The following TAFA1 variants were observed in gnomAD, a reference collection of about 807,000 sequenced individuals.
TAFA1 encodes chemokine-like protein TAFA-1.
Under a neutral mutation model 18.5 loss-of-function variants are expected in TAFA1, and 4 were observed. The observed-to-expected ratio is 0.22, with a 90% confidence interval of 0.11 to 0.49. TAFA1 has a LOEUF of 0.49. Among genes scored for constraint, TAFA1 ranks in the 20% least tolerant of loss-of-function variants. The probability of loss-of-function intolerance (pLI) is 0.98; values close to 1 mark genes in which losing one functional copy is unlikely to be tolerated. For synonymous variants in TAFA1, 56 were observed against 55.2 expected, an observed-to-expected ratio of 1.01 and a Z score of -0.06; for missense variants, 147 against 169.0, an observed-to-expected ratio of 0.87 and a Z score of 0.72.
At chr3:68,475,242 T>C (rs565836819) in intron 3 of TAFA1, among the ~76,000 whole-genome samples, 1 of 152,198 alleles carries the variant, frequency 6.6e-6, no homozygotes, top group African/African-American at 2.4e-5. Flanking sequence ...ATGTGTCATG[T>C]TGGTGTGCTG....
chr3:68,451,348 A>G (rs998519430), intron 3 of TAFA1, among the ~76,000 whole-genome samples: 1 of 152,186 alleles, frequency 6.6e-6, no homozygotes, highest in African/African-American at 2.4e-5. Flanking sequence ...AGAGCAGTTG[A>G]CTGATATCCA....
At chr3:68,392,854 G>C (rs1428135932) in intron 2 of TAFA1, among the ~76,000 whole-genome samples, 1 of 152,116 alleles carries the variant, frequency 6.6e-6, no homozygotes, top group Non-Finnish European at 1.5e-5. Context: ...CACAGCTAAA[G>C]CAGTGTTTAG....
intron 3 of TAFA1, among the ~76,000 whole-genome samples, chr3:68,519,225 C>T (rs2072976936): frequency 6.6e-6 from 1 of 152,120 alleles, no homozygotes; most frequent in African/African-American, 2.4e-5. Context: ...ATTAGTGTCC[C>T]TATAAAAGAG....
intron 2 of TAFA1, among the ~76,000 whole-genome samples, chr3:68,284,864 G>C (rs930609928): frequency 6.6e-6 from 1 of 152,150 alleles, no homozygotes; most frequent in Non-Finnish European, 1.5e-5. Context: ...CTGAAGCCCA[G>C]TTTGTGATCA....
At chr3:68,080,150 A>G (rs376678656) in intron 2 of TAFA1, among the ~76,000 whole-genome samples, 8 of 149,510 alleles carry the variant, frequency 5.4e-5, no homozygotes, top group Non-Finnish European at 1.0e-4. Flanking sequence ...GCCTTTTTTT[A>G]TTTTCCATTT....
At chr3:67,999,588 C>T (rs1704262117), upstream of TAFA1, among the ~76,000 whole-genome samples, 2 of 152,052 alleles carry the variant, frequency 1.3e-5, no homozygotes, top group Non-Finnish European at 2.9e-5. Context: ...GTGAGCTCTA[C>T]CATCAGATCA....
At chr3:68,256,336 T>C (rs2067297296) in intron 2 of TAFA1, among the ~76,000 whole-genome samples, 1 of 152,158 alleles carries the variant, frequency 6.6e-6, no homozygotes, top group African/African-American at 2.4e-5. Context: ...AAACCAGAAC[T>C]TCCTTAGCTC....
chr3:68,197,363 T>G (rs2107029367), intron 2 of TAFA1, among the ~76,000 whole-genome samples: 1 of 151,834 alleles, frequency 6.6e-6, no homozygotes, highest in Admixed American at 6.6e-5. Flanking sequence ...TATGGAGTAT[T>G]TGCCTTTATA....
the TAFA1 span, among the ~76,000 whole-genome samples, chr3:67,998,028 TA>T: frequency 1.3e-3 from 193 of 151,106 alleles, no homozygotes; most frequent in Non-Finnish European, 1.9e-3. Flanking sequence ...TCATAAAACA[TA>T]AAAAACATAT....
rs369671477 is a variant in TAFA1 at position 68,385,318 on chromosome 3, G to A, written c.119-31962G>A. 9.6e-4 allele frequency among the ~76,000 whole-genome samples: 146 copies of A among 152,164 alleles called. No homozygotes were observed. The South Asian group carries it at 0.014, about 15-fold the overall frequency. ...CCAATGACTGTGTAAACAACATGGC[G>A]TTTCCCCAGCATAAATCCTGATCAA... On this transcript the variant is annotated intron_variant, in intron 2 of 4. Coordinates refer to ENST00000478136, the MANE Select transcript of TAFA1 (RefSeq NM_213609.4).
chr3:68,026,460 C>A (rs926944294), intron 2 of TAFA1, among the ~76,000 whole-genome samples: 1 of 151,834 alleles, frequency 6.6e-6, no homozygotes, highest in Non-Finnish European at 1.5e-5. Flanking sequence ...TTTAAATGTC[C>A]TTTTCTTCTG....
At chr3:68,150,649 C>T (rs2065795920) in intron 2 of TAFA1, among the ~76,000 whole-genome samples, 1 of 152,030 alleles carries the variant, frequency 6.6e-6, no homozygotes, top group South Asian at 2.1e-4. Context: ...ATGGTACTGG[C>T]AGGAAGTACA....
intron 2 of TAFA1, among the ~76,000 whole-genome samples, chr3:68,376,841 G>A (rs1450204454): frequency 3.9e-5 from 6 of 152,160 alleles, no homozygotes; most frequent in Non-Finnish European, 8.8e-5. Flanking sequence ...TGTTGAGGGA[G>A]GGAGGTGATT....
At chr3:68,076,396 C>T (rs1364189853) in intron 2 of TAFA1, among the ~76,000 whole-genome samples, 2 of 151,162 alleles carry the variant, frequency 1.3e-5, no homozygotes, top group Non-Finnish European at 2.9e-5. Context: ...CATGCTGGTG[C>T]GCTGCACCCA....
chr3:68,230,536 G>A (rs1384369429), intron 2 of TAFA1, among the ~76,000 whole-genome samples: 1 of 152,244 alleles, frequency 6.6e-6, no homozygotes, highest in East Asian at 1.9e-4. Flanking sequence ...GGGCACTTAG[G>A]TTGATTTCAT....
At chr3:68,064,721 T>C (rs1041922791) in intron 2 of TAFA1, among the ~76,000 whole-genome samples, 2 of 113,540 alleles carry the variant, frequency 1.8e-5, no homozygotes. Flanking sequence ...TTTTGTGTAA[T>C]TTTTTTTGCC....
intron 2 of TAFA1, among the ~76,000 whole-genome samples, chr3:68,386,259 A>C (rs551378411): frequency 2.6e-5 from 4 of 152,316 alleles, no homozygotes; most frequent in African/African-American, 9.6e-5. Flanking sequence ...AAAGTCCTAC[A>C]ACTAACAAAT....
chr3:68,197,109 C>T (rs994972473), intron 2 of TAFA1, among the ~76,000 whole-genome samples: 1 of 151,684 alleles, frequency 6.6e-6, no homozygotes, highest in Non-Finnish European at 1.5e-5. Context: ...TTTAGACATG[C>T]TTTAAACCCC....
intron 2 of TAFA1, among the ~76,000 whole-genome samples, chr3:68,173,683 G>A (rs963371825): frequency 7.9e-5 from 12 of 152,094 alleles, no homozygotes; most frequent in African/African-American, 2.9e-4. Context: ...ATTGCTTATT[G>A]TCTTCTCAGT....
Sources: gnomAD v4.1 joint callset for allele counts (sites outside exome capture counted in the v4.1 genomes callset) on GRCh38, gnomAD v4.1.1 for gene constraint, MANE v1.5 for transcripts, NCBI Gene and HGNC (gene_info 2026-07-23, HGNC 2026-07-21) for gene names.